The following CKAP5 variants were observed in gnomAD, a reference collection of about 807,000 sequenced individuals.
CKAP5 encodes the protein cytoskeleton-associated protein 5.
In CKAP5, 27 loss-of-function variants were observed where a neutral mutation model predicts 232.8. That is an observed-to-expected ratio of 0.12 (90% confidence interval 0.09 to 0.16). The LOEUF (loss-of-function observed/expected upper bound fraction) is 0.16. Ranked by LOEUF, CKAP5 falls within the 10% of genes least tolerant of loss-of-function variation. The pLI, the probability that CKAP5 is intolerant of heterozygous loss-of-function variation, is 1.00. For synonymous variants in CKAP5, 785 were observed against 841.1 expected, an observed-to-expected ratio of 0.93 and a Z score of 1.16; for missense variants, 1,838 against 2,424.7, an observed-to-expected ratio of 0.76 and a Z score of 5.08.
chr11:46,755,536 G>T (rs1306587370), intron 35 of CKAP5, among the ~76,000 whole-genome samples: 1 of 151,872 alleles, frequency 6.6e-6, no homozygotes, highest in East Asian at 1.9e-4. Flanking sequence ...TAGTCCTTAG[G>T]GATTCAGTCA....
Position 46,763,019 on chromosome 11 carries a change from G to A in CKAP5, c.3848C>T (p.Thr1283Ile), listed in dbSNP as rs770821514. The change falls in exon 30 of 44, where the codon ACT becomes ATT. Residue 1283 changes from threonine to isoleucine, a missense_variant. Thr to Ile is a moderately conservative substitution (Grantham distance 89). Around this residue, in one of 6 missense-constraint regions of CKAP5, gnomAD observed 48 missense variants for 98.1 expected, o/e 0.49. Coordinates refer to ENST00000529230, the MANE Select transcript of CKAP5 (RefSeq NM_001008938.4). ...TLLSEEEYHL[T>I]ENEASSFIPY... ...GATGAAGGAAGATGCTTCATTCTCAGTAAGATGATATTCTTCTTCACTTAG... is the reference window on the plus strand; with the variant it reads ...GATGAAGGAAGATGCTTCATTCTCAATAAGATGATATTCTTCTTCACTTAG... The A allele has an allele frequency of 6.2e-7, 1 of 1,613,720 alleles. No individual in the cohort carries two copies. The highest frequency in any genetic ancestry group is 1.3e-5 in the African/African-American group (1 of 74,918).
At position 46,743,852 on chromosome 11, in the gene CKAP5, A is replaced by G. The variant is rs1418872467; in HGVS notation, c.*171T>C. Reference sequence around the variant, plus strand: ...CTAGAGCAGCAGGACGCTGACAGAGAGAAGCAGAGTATGTACAAATACTTG... The same window carrying G: ...CTAGAGCAGCAGGACGCTGACAGAGGGAAGCAGAGTATGTACAAATACTTG... On this transcript the variant is annotated 3_prime_UTR_variant, in exon 44 of 44. Transcript: ENST00000529230. 1.3e-6 allele frequency: 1 copy of G among 771,038 alleles called. No homozygotes were observed. The highest frequency in any genetic ancestry group is 2.1e-6 in the Non-Finnish European group (1 of 485,330). 47.8% of individuals were successfully genotyped at this position (771,038 alleles called of 1,614,324 possible). A position where few individuals can be genotyped will look rare whatever the true frequency, so the allele number is the denominator to read the frequency against.
intron 16 of CKAP5, among the ~76,000 whole-genome samples, chr11:46,787,602 T>C (rs1291363675): frequency 6.6e-6 from 1 of 152,156 alleles, no homozygotes; most frequent in Admixed American, 6.5e-5. Context: ...ACTGCACTTA[T>C]TTTTTATCCT....
intron 9 of CKAP5, 149 bp from the exon 10 acceptor site, chr11:46,798,321 T>C: frequency 1.6e-6 from 1 of 644,804 alleles, no homozygotes; most frequent in Non-Finnish European, 2.7e-6. Flanking sequence ...ATGCCTGTAA[T>C]CCCAGCACTT....
At chr11:46,803,622 T>C (rs1276433316) in intron 8 of CKAP5, among the ~76,000 whole-genome samples, 4 of 152,156 alleles carry the variant, frequency 2.6e-5, no homozygotes, top group Non-Finnish European at 5.9e-5. Context: ...AGTTAGCAAA[T>C]GGTAATGCTG....
rs745382595 is a variant in CKAP5 at position 46,778,503 on chromosome 11, C to T, written c.2530G>A (p.Gly844Arg). 5.0e-6 allele frequency: 8 copies of T among 1,614,090 alleles called. No homozygotes were observed. The highest frequency in any genetic ancestry group is 1.6e-4 in the Middle Eastern group (1 of 6,062). The change falls in exon 21 of 44, where the codon GGG becomes AGG. Residue 844 changes from glycine (G) to arginine (R), a missense_variant. Physicochemically the swap from Gly to Arg is moderately radical, Grantham distance 125 (BLOSUM62 -2). This residue lies in a region of CKAP5 where 767 missense variants were observed against 954.6 expected (regional missense o/e 0.80). Coordinates refer to ENST00000529230, the MANE Select transcript of CKAP5 (RefSeq NM_001008938.4). ...EGEDGDEPDD[G>R]SNDVVDLLPR... is the part of the protein sequence containing the mutation. ...AAAAGATCAACGACATCATTGCTCC[C>T]GTCATCTGGTTCATCTCCATCTTCT...
chr11:46,771,042 T>A, intron 24 of CKAP5, 60 bp from the exon 25 acceptor site: 1 of 1,438,120 alleles, frequency 7.0e-7, no homozygotes. Flanking sequence ...TCATTTATGA[T>A]CTCAGGCTTA....
At chr11:46,781,836 A>AT (rs1479819658) in intron 18 of CKAP5, among the ~76,000 whole-genome samples, 1 of 152,074 alleles carries the variant, frequency 6.6e-6, no homozygotes, top group Non-Finnish European at 1.5e-5. Context: ...ATAGATATAT[A>AT]TTTTTTGAGA....
Position 46,762,658 on chromosome 11 carries a change from T to C in CKAP5, c.3996A>G (p.Gly1332=). ...ASKMFPFIME[G]TKSKNSKQRA... Reference sequence around the variant, plus strand: ...TCTGCTTAGAGTTTTTGGATTTGGTTCCTTCCATGATAAAGGGAAACATCT... The same window carrying C: ...TCTGCTTAGAGTTTTTGGATTTGGTCCCTTCCATGATAAAGGGAAACATCT... The change falls in exon 31 of 44, where the codon GGA becomes GGG. Residue 1332 remains glycine, a synonymous_variant. Transcript: ENST00000529230. 1 of 1,614,178 alleles carries C rather than the reference T, an allele frequency of 6.2e-7. No homozygotes were observed. The highest frequency in any genetic ancestry group is 8.5e-7 in the Non-Finnish European group (1 of 1,180,002).
intron 32 of CKAP5, among the ~76,000 whole-genome samples, chr11:46,761,359 T>C (rs1049633989): frequency 6.6e-6 from 1 of 152,176 alleles, no homozygotes; most frequent in Non-Finnish European, 1.5e-5. Flanking sequence ...GTCACCACTA[T>C]CTAGCTGTGT....
At chr11:46,828,717 T>C (rs1050314847) in intron 1 of CKAP5, among the ~76,000 whole-genome samples, 1 of 152,164 alleles carries the variant, frequency 6.6e-6, no homozygotes, top group Non-Finnish European at 1.5e-5. Context: ...GAATTAAACA[T>C]TTTAAAAATT....
At chr11:46,784,429 T>C in intron 17 of CKAP5, 59 bp downstream of exon 17, 1 of 1,394,786 alleles carries the variant, frequency 7.2e-7, no homozygotes, top group Non-Finnish European at 9.9e-7. Flanking sequence ...ATTAGTAAGC[T>C]TAAAGTTTGG....
chr11:46,805,483 G>A (rs1038693450), intron 8 of CKAP5, among the ~76,000 whole-genome samples: 1 of 152,128 alleles, frequency 6.6e-6, no homozygotes, highest in African/African-American at 2.4e-5. Flanking sequence ...GAGGGAAAAA[G>A]GATTGGTCTG....
At chr11:46,778,725 GACT>G in intron 20 of CKAP5, 126 bp from the exon 21 acceptor site, 1 of 717,492 alleles carries the variant, frequency 1.4e-6, no homozygotes, top group Non-Finnish European at 2.3e-6. Context: ...TAGGTAATTT[GACT>G]ACTACCTAGA....
chr11:46,844,629 A>T (rs1453855362), intron 1 of CKAP5, among the ~76,000 whole-genome samples: 1 of 152,144 alleles, frequency 6.6e-6, no homozygotes, highest in Non-Finnish European at 1.5e-5. Flanking sequence ...CTCAGTGAAC[A>T]GCCTTTTAAA....
chr11:46,745,604 A>G (rs1253483963), intron 42 of CKAP5, among the ~76,000 whole-genome samples: 2 of 152,192 alleles, frequency 1.3e-5, no homozygotes, highest in Non-Finnish European at 2.9e-5. Flanking sequence ...GACATTCTGC[A>G]CACCACACTT....
At position 46,784,520 on chromosome 11, in the gene CKAP5, C is replaced by G; in HGVS notation, c.2122G>C (p.Glu708Gln). 2.5e-6 allele frequency: 4 copies of G among 1,614,066 alleles called. No individual in the cohort carries two copies. In the South Asian group the frequency reaches 3.3e-5, roughly 13 times the overall value. The change falls in exon 17 of 44, where the codon GAA becomes CAA. Residue 708 changes from glutamate (E) to glutamine (Q), a missense_variant. Physicochemically the swap from Glu to Gln is conservative, Grantham distance 29. This residue lies in a region of CKAP5 where 767 missense variants were observed against 954.6 expected (regional missense o/e 0.80). Transcript: ENST00000529230. ...NAKEAMTAIA[E>Q]ACMLPWTAEQ... ...GCAGTCCATGGTAACATACAGGCTT[C>G]GGCTATTGCTGTCATAGCTTCTTTT...
intron 1 of CKAP5, chr11:46,826,839 G>T (rs770870899): frequency 1.3e-5 from 2 of 155,420 alleles, no homozygotes; most frequent in South Asian, 1.7e-4. Context: ...CGGCGGCGGC[G>T]GCGGCAGCAG....
In CKAP5 at chr11:46,823,632, G is replaced by A. The variant is rs544212289; in HGVS notation, c.-37-2364C>T. ...AGACAGGGTCTCACTCTGTCACCCAGGCTGGAGTGCAGTGGTGTGATCACA... is the reference window on the plus strand; with the variant it reads ...AGACAGGGTCTCACTCTGTCACCCAAGCTGGAGTGCAGTGGTGTGATCACA... On this transcript the variant is annotated intron_variant, in intron 1 of 43. Transcript: ENST00000529230. 3.3e-4 allele frequency among the ~76,000 whole-genome samples: 50 copies of A among 152,040 alleles called. 1 individual carries two copies. Among genetic ancestry groups the A allele is most frequent in the Admixed American group, 2.9e-3 (45 of 15,292 alleles).
Sources: allele counts gnomAD v4.1 joint callset (sites outside exome capture counted in the v4.1 genomes callset), GRCh38; gene constraint gnomAD v4.1.1; regional missense constraint gnomAD v4.1.1; transcripts MANE v1.5; gene names NCBI Gene and HGNC (gene_info 2026-07-23, HGNC 2026-07-21).